The following HMGB1 variants were observed in gnomAD, a reference collection of about 807,000 sequenced individuals.
HMGB1 encodes high mobility group protein B1.
For missense variants in HMGB1, 79 were observed against 253.5 expected, an observed-to-expected ratio of 0.31 and a Z score of 4.67; for synonymous variants, 81 against 84.0, an observed-to-expected ratio of 0.96 and a Z score of 0.19.
At chr13:30,476,194 TACTC>T (rs1009707106) in intron 1 of HMGB1, among the ~76,000 whole-genome samples, 7 of 150,036 alleles carry the variant, frequency 4.7e-5, no homozygotes, top group African/African-American at 1.7e-4. Context: ...GACAGAGTCT[TACTC>T]TTTTGCCCAG....
intron 1 of HMGB1, chr13:30,464,116 G>C: frequency 2.0e-6 from 2 of 982,982 alleles, no homozygotes; most frequent in Non-Finnish European, 2.4e-6. Context: ...GGGCCTAAGC[G>C]AGTCGACTCT....
intron 1 of HMGB1, among the ~76,000 whole-genome samples, chr13:30,566,485 GA>G (rs1870191800): frequency 6.6e-6 from 1 of 152,142 alleles, no homozygotes; most frequent in Non-Finnish European, 1.5e-5. Flanking sequence ...CCTGAAATTT[GA>G]ATTTCATAAA....
chr13:30,495,635 C>A (rs971671442), intron 1 of HMGB1, among the ~76,000 whole-genome samples: 2 of 152,100 alleles, frequency 1.3e-5, no homozygotes, highest in South Asian at 2.1e-4. Flanking sequence ...CGTGCCGCCA[C>A]GCCTGGCTAA....
At chr13:30,607,933 G>C (rs1268383424) in intron 1 of HMGB1, among the ~76,000 whole-genome samples, 1 of 152,202 alleles carries the variant, frequency 6.6e-6, no homozygotes, top group Non-Finnish European at 1.5e-5. Flanking sequence ...TTATAAAATT[G>C]TGGTAGCCGG....
At chr13:30,471,759 C>G (rs1034935466) in intron 1 of HMGB1, among the ~76,000 whole-genome samples, 1 of 149,544 alleles carries the variant, frequency 6.7e-6, no homozygotes, top group Admixed American at 6.7e-5. Flanking sequence ...ACGTCCACCT[C>G]CCGGGTTCAA....
intron 1 of HMGB1, among the ~76,000 whole-genome samples, chr13:30,498,231 A>C (rs1887655737): frequency 6.6e-6 from 1 of 152,184 alleles, no homozygotes; most frequent in Non-Finnish European, 1.5e-5. Flanking sequence ...GAAGCAGGAC[A>C]ATCACTTAAA....
intron 1 of HMGB1, among the ~76,000 whole-genome samples, chr13:30,478,604 C>G (rs1887152940): frequency 6.6e-6 from 1 of 152,186 alleles, no homozygotes; most frequent in Non-Finnish European, 1.5e-5. Flanking sequence ...CCAGAAAAGA[C>G]TGAAAGAATA....
intron 1 of HMGB1, among the ~76,000 whole-genome samples, chr13:30,517,602 C>G (rs796446075): frequency 3.9e-5 from 6 of 152,158 alleles, no homozygotes; most frequent in African/African-American, 1.4e-4. Context: ...CCATGTTGGC[C>G]AGGCTCGAAC....
intron 1 of HMGB1, among the ~76,000 whole-genome samples, chr13:30,525,834 A>T (rs1353647197): frequency 1.4e-5 from 2 of 140,014 alleles, no homozygotes; most frequent in East Asian, 4.2e-4. Context: ...ACAGGTGGGG[A>T]TTACAATTCA....
intron 1 of HMGB1, among the ~76,000 whole-genome samples, chr13:30,581,080 C>A (rs2137542696): frequency 6.6e-6 from 1 of 152,206 alleles, no homozygotes; most frequent in Middle Eastern, 3.4e-3. Flanking sequence ...AGTCACCATG[C>A]CAGCCTATTT....
At position 30,463,684 on chromosome 13, in the gene HMGB1, T is replaced by C. The variant is rs1886500759; in HGVS notation, c.-4A>G. 2 of 1,542,236 alleles carry C rather than the reference T, an allele frequency of 1.3e-6. No individual in the cohort carries two copies. Among genetic ancestry groups the C allele is most frequent in the African/African-American group, 1.4e-5 (1 of 72,322 alleles). ...TCTTAGGATCTCCTTTGCCCATGTT[T>C]AGTTATTTTTCTAAAAAATAAAATA... is the stretch of plus-strand genomic sequence containing the variant. On this transcript the variant is annotated 5_prime_UTR_variant, in exon 2 of 5. Transcript: ENST00000341423.
At chr13:30,533,085 C>T (rs184359439) in intron 1 of HMGB1, among the ~76,000 whole-genome samples, 172 of 152,290 alleles carry the variant, frequency 1.1e-3, no homozygotes, top group Middle Eastern at 3.4e-3. Context: ...TCCAGCTGAG[C>T]CCAAAACACG....
At chr13:30,503,033 C>T (rs1037354871) in intron 1 of HMGB1, among the ~76,000 whole-genome samples, 1 of 151,936 alleles carries the variant, frequency 6.6e-6, no homozygotes, top group Admixed American at 6.6e-5. Context: ...GGGATACAAA[C>T]AAACAGATAA....
chr13:30,586,479 G>GTTTTTTTTT (rs11315470), intron 1 of HMGB1, among the ~76,000 whole-genome samples: 39 of 105,096 alleles, frequency 3.7e-4, no homozygotes, highest in Non-Finnish European at 4.7e-4. Context: ...GGTTTTTTTT[G>GTTTTTTTTT]TTTTTTTTTT....
intron 1 of HMGB1, among the ~76,000 whole-genome samples, chr13:30,583,765 G>A (rs538246527): frequency 6.6e-6 from 1 of 150,544 alleles, no homozygotes; most frequent in Admixed American, 6.6e-5. Context: ...CTTGAACCCG[G>A]GAGGCGAAGG....
chr13:30,475,043 C>T (rs1302488149), intron 1 of HMGB1, among the ~76,000 whole-genome samples: 5 of 47,080 alleles, frequency 1.1e-4, no homozygotes, highest in South Asian at 8.1e-4. Flanking sequence ...CTCTCTCTCT[C>T]TCTTTTTTTT....
rs188765545 is a variant in HMGB1, at chr13:30,533,320, A to G, written c.-14-69626T>C. Among the ~76,000 whole-genome samples, 112 of 152,312 alleles carry G rather than the reference A, an allele frequency of 7.4e-4. 1 individual carries two copies. The highest frequency in any genetic ancestry group is 7.2e-3 in the South Asian group (35 of 4,830). ...GTTAGGGCTTCTGGAGTTCTCATCT[A>G]TAACAGAACCATAACGCTTCCTCTA... On this transcript the variant is annotated intron_variant, in intron 1 of 4. Transcript: ENST00000405805.
upstream of HMGB1, chr13:30,465,979 C>G: frequency 1.0e-6 from 1 of 985,802 alleles, no homozygotes; most frequent in Non-Finnish European, 1.2e-6. Flanking sequence ...CGCCAACTCA[C>G]GGGGCTCGCT....
intron 1 of HMGB1, among the ~76,000 whole-genome samples, chr13:30,515,429 A>T (rs972988260): frequency 6.6e-6 from 1 of 152,150 alleles, no homozygotes; most frequent in Non-Finnish European, 1.5e-5. Context: ...GTTTGTGATC[A>T]TTTTTGTCAT....
Sources: gnomAD v4.1 joint callset for allele counts (sites outside exome capture counted in the v4.1 genomes callset) on GRCh38, gnomAD v4.1.1 for gene constraint, MANE v1.5 for transcripts, NCBI Gene and HGNC (gene_info 2026-07-23, HGNC 2026-07-21) for gene names.